The following EVL variants were observed in gnomAD, a reference collection of about 807,000 sequenced individuals.
EVL encodes the protein Enah/Vasp-like, also known as ena/VASP-like protein.
A neutral mutation model predicts 59.6 loss-of-function variants in EVL; 21 were observed. The observed-to-expected ratio is 0.35, with a 90% CI of 0.25 to 0.51. The LOEUF (loss-of-function observed/expected upper bound fraction) is 0.51. Ranked by LOEUF, EVL falls within the 20% of genes least tolerant of loss-of-function variation. EVL has a pLI of 0.97. For missense variants in EVL, 462 were observed against 546.6 expected, an observed-to-expected ratio of 0.85 and a Z score of 1.54; for synonymous variants, 198 against 203.5, an observed-to-expected ratio of 0.97 and a Z score of 0.23.
In EVL at chr14:100,109,895, G is replaced by GGA. The variant is rs778197084; in HGVS notation, c.358+12239_358+12240dup. 3 of 370,238 alleles carry GGA rather than the reference G, an allele frequency of 8.1e-6. No homozygotes were observed. Among genetic ancestry groups the GGA allele is most frequent in the Admixed American group, 3.3e-5 (1 of 29,992 alleles). 22.9% of individuals were successfully genotyped at this position (370,238 alleles called of 1,614,324 possible). On this transcript the variant is annotated intron_variant, in intron 3 of 13. Transcript: ENST00000392920. The surrounding 1 kb of genome is among the most constrained non-coding windows in gnomAD (Gnocchi z 4.3). ...TCTGGTTCCAGTACCAGCTGTGCCAGGAGTGTGCCCTTGGGCATGTCACTG... is the reference window on the plus strand; with the variant it reads ...TCTGGTTCCAGTACCAGCTGTGCCAGGAGAGTGTGCCCTTGGGCATGTCACTG...
At chr14:100,053,408 A>G (rs1427920236) in intron 1 of EVL, among the ~76,000 whole-genome samples, 1 of 151,124 alleles carries the variant, frequency 6.6e-6, no homozygotes, top group African/African-American at 2.4e-5. Flanking sequence ...GCTTATACGT[A>G]TTTTTCTTTA....
rs1261323268 is a variant in EVL, at chr14:100,016,094, A to AT, written c.5+44037_5+44038insT. ...ACTCTGTCTCAAAAAAAAAAAAAAAAAATTAATTATTTATTAATTTAAAAA... is the reference window on the plus strand; with the variant it reads ...ACTCTGTCTCAAAAAAAAAAAAAAAATAATTAATTATTTATTAATTTAAAAA... On this transcript the variant is annotated intron_variant, in intron 1 of 13. Transcript: ENST00000402714. Among the ~76,000 whole-genome samples, 52 of 150,304 alleles carry AT rather than the reference A, an allele frequency of 3.5e-4. 1 individual carries two copies. The highest frequency in any genetic ancestry group is 1.3e-3 in the African/African-American group (52 of 40,696).
intron 2 of EVL, among the ~76,000 whole-genome samples, chr14:100,092,500 C>T (rs548406646): frequency 2.6e-5 from 4 of 152,182 alleles, no homozygotes; most frequent in African/African-American, 4.8e-5. Context: ...TTTGGGAGAC[C>T]GAGGTGGGCA....
At chr14:100,136,650 G>T (rs77237685) in intron 9 of EVL, among the ~76,000 whole-genome samples, 2 of 152,144 alleles carry the variant, frequency 1.3e-5, no homozygotes, top group Admixed American at 6.5e-5. Context: ...AGCTGTTCGC[G>T]TGTGTCTCTG....
intron 1 of EVL, among the ~76,000 whole-genome samples, chr14:100,067,964 G>A (rs897776869): frequency 5.9e-5 from 9 of 152,160 alleles, no homozygotes; most frequent in African/African-American, 2.2e-4. Context: ...TTTTTAGAAG[G>A]CACTGGCAGG....
intron 8 of EVL, among the ~76,000 whole-genome samples, chr14:100,133,883 G>T (rs1182572510): frequency 6.6e-6 from 1 of 152,230 alleles, no homozygotes; most frequent in Non-Finnish European, 1.5e-5. Flanking sequence ...GTTGTAGTGA[G>T]CAGAGATCGC....
upstream of EVL, among the ~76,000 whole-genome samples, chr14:100,060,449 C>A (rs1004057600): frequency 4.3e-3 from 621 of 145,290 alleles, 19 homozygotes; most frequent in Admixed American, 0.036. Context: ...AAAAAAAAAA[C>A]TTGCCCAGTG....
intron 1 of EVL, among the ~76,000 whole-genome samples, chr14:99,975,776 A>G (rs951083199): frequency 5.3e-5 from 8 of 152,198 alleles, no homozygotes; most frequent in African/African-American, 1.7e-4. Context: ...CTGGTTCCTG[A>G]CAGGCCATGG....
intron 1 of EVL, among the ~76,000 whole-genome samples, chr14:100,077,797 G>T (rs997019854): frequency 7.9e-5 from 12 of 152,106 alleles, no homozygotes; most frequent in African/African-American, 2.9e-4. Context: ...TTTTGAGATG[G>T]AGTCTGGCTC....
chr14:99,989,494 A>G lies in EVL; in HGVS notation c.5+17437A>G, dbSNP rs544712386. On this transcript the variant is annotated intron_variant, in intron 1 of 13. Coordinates refer to the EVL transcript ENST00000402714. ...ATTCCCATATCTTTATAATAAAGTC[A>G]TAACTCCTAGAGAGTATGCAAAGTC... Among the ~76,000 whole-genome samples the G allele has an allele frequency of 6.8e-4, 104 of 152,344 alleles. 1 individual carries two copies. Among genetic ancestry groups the G allele is most frequent in the Admixed American group, 3.1e-3 (47 of 15,294 alleles).
In EVL at chr14:100,065,528, G is replaced by T. The variant is rs756487566; in HGVS notation, c.11+17G>T. On this transcript the variant is annotated intron_variant, in intron 1 of 13. Transcript: ENST00000392920. Reference sequence around the variant, plus strand: ...GGCCACAAGGTGAGTATTGGAACCAGTGCAGGGGACAGAGGGATGTCAAGA... The same window carrying T: ...GGCCACAAGGTGAGTATTGGAACCATTGCAGGGGACAGAGGGATGTCAAGA... The T allele has an allele frequency of 6.8e-7, 1 of 1,479,092 alleles. No individual in the cohort carries two copies. 91.6% of individuals were successfully genotyped at this position (1,479,092 alleles called of 1,614,324 possible).
At chr14:100,120,294 CT>C (rs561326892) in intron 3 of EVL, among the ~76,000 whole-genome samples, 173 of 152,370 alleles carry the variant, frequency 1.1e-3, no homozygotes, top group African/African-American at 3.9e-3. Flanking sequence ...CTTGAGCCCC[CT>C]CTCCCCTTCC....
chr14:99,977,811 G>C lies in EVL; in HGVS notation c.5+5754G>C, dbSNP rs1028457247. 7.5e-4 allele frequency among the ~76,000 whole-genome samples: 114 copies of C among 152,116 alleles called. 1 individual carries two copies. The highest frequency in any genetic ancestry group is 2.6e-3 in the African/African-American group (109 of 41,518). On this transcript the variant is annotated intron_variant, in intron 1 of 13. Transcript: ENST00000402714. ...TTCTTTGGGATCTAAAAAAGTCATGGATGGCTGGGCACGGTGGTTCATGCC... is the reference window on the plus strand; with the variant it reads ...TTCTTTGGGATCTAAAAAAGTCATGCATGGCTGGGCACGGTGGTTCATGCC...
At chr14:100,102,476 T>C (rs759908063) in intron 3 of EVL, 85 of 426,688 alleles carry the variant, frequency 2.0e-4, no homozygotes, top group Non-Finnish European at 4.8e-5. Flanking sequence ...TTGTTATTCG[T>C]GTTTGTCATT....
chr14:100,010,319 A>T (rs906701032), intron 1 of EVL, among the ~76,000 whole-genome samples: 3 of 152,116 alleles, frequency 2.0e-5, no homozygotes, highest in African/African-American at 7.2e-5. Flanking sequence ...GTAGGGCGTG[A>T]CTCCTAGACC....
chr14:100,125,223 GACAC>G (rs113347883), intron 4 of EVL, among the ~76,000 whole-genome samples: 1,760 of 41,060 alleles, frequency 0.043, 151 homozygotes, highest in African/African-American at 0.16. Flanking sequence ...CACACACACA[GACAC>G]ACACACACCT....
chr14:100,017,160 A>G (rs2061057615), intron 1 of EVL, among the ~76,000 whole-genome samples: 1 of 152,204 alleles, frequency 6.6e-6, no homozygotes, highest in African/African-American at 2.4e-5. Context: ...AGTTGGGAGA[A>G]TCTCTTAATA....
chr14:100,128,237 CA>C (rs1330686521), intron 5 of EVL, among the ~76,000 whole-genome samples: 7 of 152,174 alleles, frequency 4.6e-5, no homozygotes, highest in Admixed American at 3.9e-4. Flanking sequence ...ATGATTGGAG[CA>C]AGAGGAAATT....
intron 1 of EVL, among the ~76,000 whole-genome samples, chr14:100,050,505 G>A (rs887610302): frequency 6.6e-5 from 10 of 151,570 alleles, no homozygotes; most frequent in African/African-American, 2.2e-4. Context: ...GCCCGCCATC[G>A]CACCCAGCTA....
Sources: allele counts gnomAD v4.1 joint callset (sites outside exome capture counted in the v4.1 genomes callset), GRCh38; gene constraint gnomAD v4.1.1; non-coding constraint Gnocchi (gnomAD v3.1); transcripts MANE v1.5; gene names NCBI Gene and HGNC (gene_info 2026-07-23, HGNC 2026-07-21).